NPTX1: variants seen among roughly 807,000 people sequenced by gnomAD.
The protein encoded by NPTX1 is neuronal pentraxin 1.
Under a neutral mutation model 38.7 loss-of-function variants are expected in NPTX1, and 12 were observed. That is an observed-to-expected ratio of 0.31 (90% CI 0.20 to 0.50). NPTX1 has a LOEUF of 0.50. NPTX1 is among the 20% of genes least tolerant of loss of function. NPTX1 has a pLI of 0.98. For synonymous variants in NPTX1, 272 were observed against 264.9 expected, an observed-to-expected ratio of 1.03 and a Z score of -0.26; for missense variants, 454 against 592.2, an observed-to-expected ratio of 0.77 and a Z score of 2.42.
rs184064069 is a variant in NPTX1, at chr17:80,473,070, C to T, written c.897+130G>A. 2.5e-5 allele frequency: 25 copies of T among 997,062 alleles called. 1 individual carries two copies. The Admixed American group carries it at 5.7e-4, about 23-fold the overall frequency. 61.8% of individuals were successfully genotyped at this position (997,062 alleles called of 1,614,324 possible). ...TCTTCACCCTCCCCCTCCCTCAGTC[C>T]CACCTGGCAAACACTTTCCTTGGGG... is the stretch of plus-strand genomic sequence containing the variant. On this transcript the variant is annotated intron_variant, in intron 3 of 4. Coordinates refer to ENST00000306773, the MANE Select transcript of NPTX1 (RefSeq NM_002522.4).
chr17:80,473,084 C>A, intron 3 of NPTX1, 116 bp downstream of exon 3: 6 of 1,274,864 alleles, frequency 4.7e-6, no homozygotes, highest in South Asian at 1.4e-5. Flanking sequence ...CTGGCAAACA[C>A]TTTCCTTGGG....
Position 80,476,294 on chromosome 17 carries a change from G to A in NPTX1, c.153C>T (p.Ala51=), listed in dbSNP as rs777101512. ...GCAGCACGCTGCTCCGGAGCTCCTC[G>A]GCGCCGCCGGCGGCCACGGACGCGG... The part of the protein sequence containing the change: ...MCAASVAAGG[A]EELRSSVLQL... Residue 51 remains alanine (A), a synonymous_variant, in exon 1 of 5, where the codon GCC becomes GCT. Transcript: ENST00000306773. This position sits in a 1 kb window ranked among gnomAD's most constrained non-coding sequence, Gnocchi z 6.3. 6.4e-7 allele frequency: 1 copy of A among 1,558,768 alleles called. No individual in the cohort carries two copies. Among genetic ancestry groups the A allele is most frequent in the South Asian group, 1.2e-5 (1 of 86,282 alleles).
rs954198721 is a variant in NPTX1 at position 80,470,712 on chromosome 17, G to A, written c.*101C>T. Reference sequence around the variant, plus strand: ...GTGCGTGTGCAGGGGCGACGGCCTCGGTTCATTCCTGGGGAAAAGGGAGAG... The same window carrying A: ...GTGCGTGTGCAGGGGCGACGGCCTCAGTTCATTCCTGGGGAAAAGGGAGAG... On this transcript the variant is annotated 3_prime_UTR_variant, in exon 5 of 5. Transcript: ENST00000306773. 13 of 856,928 alleles carry A rather than the reference G, an allele frequency of 1.5e-5. No homozygotes were observed. The highest frequency in any genetic ancestry group is 8.4e-5 in the African/African-American group (5 of 59,798). The allele number at this position is 856,928 out of a possible 1,614,324, so 53.1% of individuals were successfully genotyped here.
chr17:80,476,473 CCGGCT>C lies in NPTX1; in HGVS notation c.-32_-28del, dbSNP rs1300136955. 44 of 1,183,528 alleles carry C rather than the reference CCGGCT, an allele frequency of 3.7e-5. No homozygotes were observed. The highest frequency in any genetic ancestry group is 4.5e-5 in the Non-Finnish European group (43 of 958,876). 73.3% of individuals were successfully genotyped at this position (1,183,528 alleles called of 1,614,324 possible). A position where few individuals can be genotyped will look rare whatever the true frequency, so the allele number is the denominator to read the frequency against. On this transcript the variant is annotated 5_prime_UTR_variant, in exon 1 of 5. Coordinates refer to ENST00000306773, the MANE Select transcript of NPTX1 (RefSeq NM_002522.4). This position sits in a 1 kb window ranked among gnomAD's most constrained non-coding sequence, Gnocchi z 6.3. ...GCTGCGGGCACCGGGCGCTCCGGGCCCGGCTCGGCTCGGCTGGGGCTCGGCTCCGG... is the reference window on the plus strand; with the variant it reads ...GCTGCGGGCACCGGGCGCTCCGGGCCCGGCTCGGCTGGGGCTCGGCTCCGG...
chr17:80,475,919 C>T lies in NPTX1; in HGVS notation c.444+84G>A. 8.3e-7 allele frequency: 1 copy of T among 1,207,756 alleles called. No homozygotes were observed. Among genetic ancestry groups the T allele is most frequent in the Non-Finnish European group, 1.2e-6 (1 of 869,428 alleles). 74.8% of individuals were successfully genotyped at this position (1,207,756 alleles called of 1,614,324 possible). A position where few individuals can be genotyped will look rare whatever the true frequency, so the allele number is the denominator to read the frequency against. On this transcript the variant is annotated intron_variant, in intron 1 of 4. Transcript: ENST00000306773. This position sits in a 1 kb window ranked among gnomAD's most constrained non-coding sequence, Gnocchi z 6.5. ...GCGGCTGAGGCGAGGGCGGGGGATG[C>T]CTGGCCGGGTAGGGAACGGGGTGGG...
At chr17:80,473,853 G>T in intron 2 of NPTX1, 1 of 215,014 alleles carries the variant, frequency 4.7e-6, no homozygotes, top group Non-Finnish European at 9.5e-6. Context: ...TACCCTGAGA[G>T]TAACCGACCT....
rs1039846297 is a variant in NPTX1 at position 80,470,026 on chromosome 17, G to GCACACAGGCCGAC, written c.*774_*786dup. On this transcript the variant is annotated 3_prime_UTR_variant, in exon 5 of 5. Coordinates refer to ENST00000306773, the MANE Select transcript of NPTX1 (RefSeq NM_002522.4). ...CCTGGGGCAGAGCTAGCTGAGCTGG[G>GCACACAGGCCGAC]CACACAGGCCGACCTCCCAGGCCCC... The GCACACAGGCCGAC allele has an allele frequency of 6.6e-6, 1 of 152,340 alleles. No homozygotes were observed. Among genetic ancestry groups the GCACACAGGCCGAC allele is most frequent in the Non-Finnish European group, 1.5e-5 (1 of 68,118 alleles). 9.4% of individuals were successfully genotyped at this position (152,340 alleles called of 1,614,324 possible). A position where few individuals can be genotyped will look rare whatever the true frequency, so the allele number is the denominator to read the frequency against.
Position 80,475,902 on chromosome 17 carries a change from GGCGAGGGCGGGGGATGCCTGGCCGGGT to G in NPTX1, c.444+74_444+100del. ...ACCGGCCGGGCACCCGCGCGGCTGA[GGCGAGGGCGGGGGATGCCTGGCCGGGT>G]AGGGAACGGGGTGGGGGAGGGCAGA... On this transcript the variant is annotated intron_variant, in intron 1 of 4. Coordinates refer to ENST00000306773, the MANE Select transcript of NPTX1 (RefSeq NM_002522.4). This position sits in a 1 kb window ranked among gnomAD's most constrained non-coding sequence, Gnocchi z 6.5. 5 of 1,058,424 alleles carry G rather than the reference GGCGAGGGCGGGGGATGCCTGGCCGGGT, an allele frequency of 4.7e-6. No individual in the cohort carries two copies. Among genetic ancestry groups the G allele is most frequent in the Non-Finnish European group, 6.6e-6 (5 of 762,626 alleles). 65.6% of individuals were successfully genotyped at this position (1,058,424 alleles called of 1,614,324 possible).
Position 80,470,702 on chromosome 17 carries a change from C to T in NPTX1, c.*111G>A, listed in dbSNP as rs746493688. 1.2e-5 allele frequency: 9 copies of T among 757,824 alleles called. 1 individual carries two copies. The highest frequency in any genetic ancestry group is 5.3e-5 in the East Asian group (2 of 37,836). 46.9% of individuals were successfully genotyped at this position (757,824 alleles called of 1,614,324 possible). A position where few individuals can be genotyped will look rare whatever the true frequency, so the allele number is the denominator to read the frequency against. ...CTGTGTGCGTGTGCGTGTGCAGGGG[C>T]GACGGCCTCGGTTCATTCCTGGGGA... is the stretch of plus-strand genomic sequence containing the variant. On this transcript the variant is annotated 3_prime_UTR_variant, in exon 5 of 5. Transcript: ENST00000306773.
intron 4 of NPTX1, 95 bp from the exon 5 acceptor site, chr17:80,471,129 C>G (rs756055260): frequency 6.4e-6 from 6 of 939,814 alleles, no homozygotes; most frequent in Non-Finnish European, 9.5e-6. Context: ...TGTGCCTGCC[C>G]GATCACGGAC....
chr17:80,473,143 T>A, intron 3 of NPTX1, 57 bp downstream of exon 3: 2 of 1,550,662 alleles, frequency 1.3e-6, no homozygotes, highest in Non-Finnish European at 8.7e-7. Context: ...GCATGCAACA[T>A]GAGCTGGGGC....
rs1461012052 is a variant in NPTX1 at position 80,475,302 on chromosome 17, C to T, written c.652+209G>A. ...TCCCCTTTCCCAGAGACAGCCCCAG[C>T]CCAAGGCACCCAGCCCTGATAGAAA... On this transcript the variant is annotated intron_variant, in intron 2 of 4. Transcript: ENST00000306773. This position sits in a 1 kb window ranked among gnomAD's most constrained non-coding sequence, Gnocchi z 6.5. Among the ~76,000 whole-genome samples, 2 of 152,190 alleles carry T rather than the reference C, an allele frequency of 1.3e-5. No individual in the cohort carries two copies. The highest frequency in any genetic ancestry group is 2.1e-4 in the South Asian group (1 of 4,834).
Position 80,475,566 on chromosome 17 carries a change from G to A in NPTX1, c.597C>T (p.Val199=), listed in dbSNP as rs761621696. 1.2e-6 allele frequency: 2 copies of A among 1,612,904 alleles called. No individual in the cohort carries two copies. Among genetic ancestry groups the A allele is most frequent in the South Asian group, 2.2e-5 (2 of 91,014 alleles). The part of the protein sequence containing the change: ...GGPRNDTEER[V]KIETALTSLH... ...GGGAGGTCAGGGCGGTCTCGATCTT[G>A]ACCCTCTCCTCGGTGTCGTTCCTGG... The change falls in exon 2 of 5, where the codon GTC becomes GTT. Residue 199 remains valine (V), a synonymous_variant. Transcript: ENST00000306773. The surrounding 1 kb of genome is among the most constrained non-coding windows in gnomAD (Gnocchi z 6.5).
rs2083808472 is a variant in NPTX1, at chr17:80,466,904, A to G, written c.*3909T>C. ...TGTCATTTCAGCAAGAAAATGAAAAAAAAAAAAAAAGCAAGAATACCAGTA... is the reference window on the plus strand; with the variant it reads ...TGTCATTTCAGCAAGAAAATGAAAAGAAAAAAAAAAGCAAGAATACCAGTA... On this transcript the variant is annotated 3_prime_UTR_variant, in exon 5 of 5. Transcript: ENST00000306773. 6.6e-6 allele frequency among the ~76,000 whole-genome samples: 1 copy of G among 151,940 alleles called. No individual in the cohort carries two copies. Among genetic ancestry groups the G allele is most frequent in the Non-Finnish European group, 1.5e-5 (1 of 67,964 alleles).
intron 3 of NPTX1, among the ~76,000 whole-genome samples, chr17:80,472,591 G>C (rs933487735): frequency 2.6e-5 from 4 of 152,166 alleles, no homozygotes; most frequent in African/African-American, 9.7e-5. Flanking sequence ...CAAGGGCGTG[G>C]AATCCACTTC....
At position 80,471,715 on chromosome 17, in the gene NPTX1, C is replaced by T. The variant is rs1489588339; in HGVS notation, c.1077+17G>A. The T allele has an allele frequency of 9.4e-6, 15 of 1,596,340 alleles. No homozygotes were observed. Among genetic ancestry groups the T allele is most frequent in the Non-Finnish European group, 1.3e-5 (15 of 1,168,896 alleles). ...TCTGAAGCTCTCTCCCCTTCCCCAC[C>T]ACATCCAGCACAGTACCTGCTCCTG... is the stretch of plus-strand genomic sequence containing the variant. On this transcript the variant is annotated intron_variant, in intron 4 of 4. Coordinates refer to ENST00000306773, the MANE Select transcript of NPTX1 (RefSeq NM_002522.4).
rs377120879 is a variant in NPTX1, at chr17:80,471,755, C to T, written c.1054G>A (p.Val352Met). ...APYHPIKPQG[V>M]LVLGQEQDTL... ...ACCTGCTCCTGGCCCAGCACCAGCA[C>T]GCCCTGGGGCTTGATGGGGTGATAG... Residue 352 changes from valine to methionine, a missense_variant, in exon 4 of 5, where the codon GTG (valine) becomes ATG (methionine). Transcript: ENST00000306773. The T allele has an allele frequency of 4.8e-5, 77 of 1,612,756 alleles. No individual in the cohort carries two copies. Among genetic ancestry groups the T allele is most frequent in the Non-Finnish European group, 5.8e-5 (69 of 1,179,892 alleles).
intron 3 of NPTX1, among the ~76,000 whole-genome samples, chr17:80,472,311 C>A (rs1178773696): frequency 6.6e-6 from 1 of 151,958 alleles, no homozygotes. Flanking sequence ...CTGGCCTCTC[C>A]TCTCTCTTCC....
intron 3 of NPTX1, among the ~76,000 whole-genome samples, chr17:80,472,322 G>A (rs979669644): frequency 2.6e-5 from 4 of 151,710 alleles, no homozygotes; most frequent in East Asian, 1.9e-4. Flanking sequence ...TCTCTCTTCC[G>A]ATGTCCCATC....
Sources: gnomAD v4.1 joint callset for allele counts (sites outside exome capture counted in the v4.1 genomes callset) on GRCh38, gnomAD v4.1.1 for gene constraint, Gnocchi (gnomAD v3.1) non-coding constraint, MANE v1.5 for transcripts, NCBI Gene and HGNC (gene_info 2026-07-23, HGNC 2026-07-21) for gene names.